EFTUD2: variants seen among roughly 807,000 people sequenced by gnomAD.
The protein encoded by EFTUD2 is elongation factor Tu GTP binding domain containing 2, also known as 116 kDa U5 small nuclear ribonucleoprotein component.
In EFTUD2, 9 loss-of-function variants were observed where a neutral mutation model predicts 114.3. The observed-to-expected ratio is 0.08, with a 90% CI of 0.05 to 0.14. The LOEUF is 0.14. Ranked by LOEUF, EFTUD2 falls within the 10% of genes least tolerant of loss-of-function variation. The probability of loss-of-function intolerance (pLI) is 1.00; values close to 1 mark genes in which losing one functional copy is unlikely to be tolerated. For synonymous variants in EFTUD2, 449 were observed against 462.3 expected (o/e 0.97, Z 0.37); for missense variants, 765 against 1,241.2 (o/e 0.62, Z 5.76).
intron 6 of EFTUD2, chr17:44,881,958 T>C (rs953396015): frequency 9.4e-5 from 46 of 491,260 alleles, no homozygotes; most frequent in African/African-American, 7.3e-4. Flanking sequence ...GGAGACAGAG[T>C]TTTGCTCTTG....
chr17:44,883,598 GC>G, intron 5 of EFTUD2, 50 bp downstream of exon 5: 2 of 1,541,276 alleles, frequency 1.3e-6, no homozygotes, highest in Middle Eastern at 1.7e-4. Flanking sequence ...TAAAACATGA[GC>G]AGGTACAAAA....
At chr17:44,891,199 A>T (rs2051272467) in intron 2 of EFTUD2, among the ~76,000 whole-genome samples, 2 of 152,242 alleles carry the variant, frequency 1.3e-5, no homozygotes, top group South Asian at 4.1e-4. Flanking sequence ...CAACTCATAG[A>T]AAAAGAAACA....
In EFTUD2 at chr17:44,881,739, T is replaced by C. The variant is rs746541001; in HGVS notation, c.493-17A>G. ...ATAGCACAGCTGAAAAAAAATTAAC[T>C]GTTGTTACCACCTGAGTTGAGACTG... On this transcript the variant is annotated splice_polypyrimidine_tract_variant and intron_variant, in intron 6 of 27. Transcript: ENST00000426333. The C allele has an allele frequency of 3.7e-6, 6 of 1,613,938 alleles. No individual in the cohort carries two copies. The Admixed American group carries it at 1.0e-4, about 27-fold the overall frequency.
At chr17:44,876,141 G>C (rs769562427) in intron 9 of EFTUD2, 41 bp from the exon 10 acceptor site, 1 of 1,581,900 alleles carries the variant, frequency 6.3e-7, no homozygotes, top group Non-Finnish European at 8.6e-7. Flanking sequence ...GAAGAACAAG[G>C]AGGGCAGAAA....
chr17:44,883,284 T>C lies in EFTUD2; in HGVS notation c.427-126A>G, dbSNP rs2051106122. ...AGAAAAAGGAGAGCAAGGAGGGTTA[T>C]GGGACAGCAAATAATTAACACTGAA... On this transcript the variant is annotated intron_variant, in intron 5 of 27. Coordinates refer to ENST00000426333, the MANE Select transcript of EFTUD2 (RefSeq NM_004247.4). The C allele has an allele frequency of 6.5e-6, 5 of 772,262 alleles. No homozygotes were observed. The East Asian group carries it at 1.1e-4, about 17-fold the overall frequency. 47.8% of individuals were successfully genotyped at this position (772,262 alleles called of 1,614,324 possible).
At chr17:44,881,658 G>A (rs556735595) in intron 7 of EFTUD2, 29 bp downstream of exon 7, 3 of 1,613,480 alleles carry the variant, frequency 1.9e-6, no homozygotes, top group Middle Eastern at 1.6e-4. Flanking sequence ...TGGTGTAGGT[G>A]ACAATCAGAT....
chr17:44,890,083 C>T (rs1230549754), intron 2 of EFTUD2, among the ~76,000 whole-genome samples: 1 of 152,178 alleles, frequency 6.6e-6, no homozygotes, highest in East Asian at 1.9e-4. Flanking sequence ...TCTCAGCTCA[C>T]TGCAACCTCT....
intron 3 of EFTUD2, 134 bp from the exon 4 acceptor site, chr17:44,885,468 A>C (rs2051151538): frequency 4.5e-6 from 3 of 659,592 alleles, no homozygotes; most frequent in South Asian, 1.8e-5. Flanking sequence ...AGGATCACTC[A>C]TATGTTGAGA....
intron 9 of EFTUD2, among the ~76,000 whole-genome samples, chr17:44,878,004 C>T (rs1351508277): frequency 2.6e-5 from 4 of 152,026 alleles, no homozygotes; most frequent in Admixed American, 2.6e-4. Flanking sequence ...GGTGTGGTGG[C>T]GTGCACCTGT....
chr17:44,855,294 G>A (rs571496336), intron 20 of EFTUD2, among the ~76,000 whole-genome samples: 26 of 152,232 alleles, frequency 1.7e-4, no homozygotes, highest in Middle Eastern at 3.4e-3. Context: ...CAGGCGCGGT[G>A]GCTCACCCCT....
rs1048887337 is a variant in EFTUD2, at chr17:44,886,601, G to A, written c.255C>T (p.Asp85=). 4 of 1,614,174 alleles carry A rather than the reference G, an allele frequency of 2.5e-6. No homozygotes were observed. The highest frequency in any genetic ancestry group is 1.1e-5 in the South Asian group (1 of 91,084). Reference sequence around the variant, plus strand: ...CTGATGTACCTGTGAGAGGCTGAGTGTCTTCCTCTTGAACTATGGTCTCCA... The same window carrying A: ...CTGATGTACCTGTGAGAGGCTGAGTATCTTCCTCTTGAACTATGGTCTCCA... ...PEVETIVQEE[D]TQPLTEPIIK... Residue 85 remains aspartate (D), a synonymous_variant, in exon 3 of 28, where the codon GAC becomes GAT. Transcript: ENST00000426333.
At chr17:44,863,301 C>A in intron 15 of EFTUD2, 1 of 256,094 alleles carries the variant, frequency 3.9e-6, no homozygotes, top group Admixed American at 5.1e-5. Flanking sequence ...TTTTTAAAAG[C>A]CAGGACTGAC....
At position 44,862,951 on chromosome 17, in the gene EFTUD2, G is replaced by A. The variant is rs376709374; in HGVS notation, c.1414-45C>T. On this transcript the variant is annotated intron_variant, in intron 15 of 27. Coordinates refer to ENST00000426333, the MANE Select transcript of EFTUD2 (RefSeq NM_004247.4). Reference sequence around the variant, plus strand: ...GCAGCTTCAACCACATCTATGCTCCGGGGAAGTACTACTCCCCGCCATCTT... The same window carrying A: ...GCAGCTTCAACCACATCTATGCTCCAGGGAAGTACTACTCCCCGCCATCTT... 8.0e-4 allele frequency: 1,231 copies of A among 1,531,114 alleles called. 16 individuals carry two copies. The South Asian group carries it at 0.011, about 13-fold the overall frequency. The allele number at this position is 1,531,114 out of a possible 1,614,324, so 94.8% of individuals were successfully genotyped here.
At chr17:44,897,088 C>T (rs755756553) in intron 1 of EFTUD2, among the ~76,000 whole-genome samples, 18 of 151,802 alleles carry the variant, frequency 1.2e-4, no homozygotes, top group Admixed American at 2.0e-4. Flanking sequence ...TGGTGGTGGG[C>T]GCCCGTAGTC....
chr17:44,859,660 C>A (rs2050620197), intron 18 of EFTUD2: 1 of 600,522 alleles, frequency 1.7e-6, no homozygotes, highest in South Asian at 2.1e-5. Flanking sequence ...CACACACACA[C>A]AACCTTGTCC....
rs780541299 is a variant in EFTUD2 at position 44,883,106 on chromosome 17, C to T, written c.479G>A (p.Arg160His). ...IEQTHPEIRK[R>H]YDQDLCYTDI... is the part of the protein sequence containing the mutation. ...AGTTCTACTTACATCTTGGTCATAG[C>T]GCTTTCTGATTTCCGGGTGAGTCTG... The change falls in exon 6 of 28, where the codon CGC (arginine) becomes CAC (histidine). Residue 160 changes from arginine (R) to histidine (H), a missense_variant. Arg to His is a conservative substitution (Grantham distance 29). Around this residue, in one of 6 missense-constraint regions of EFTUD2, gnomAD observed 251 missense variants for 357.7 expected, o/e 0.70. Transcript: ENST00000426333. 1.2e-5 allele frequency: 19 copies of T among 1,613,998 alleles called. No individual in the cohort carries two copies. Among genetic ancestry groups the T allele is most frequent in the Admixed American group, 1.0e-4 (6 of 60,000 alleles).
chr17:44,869,684 C>T (rs889625021), intron 11 of EFTUD2, among the ~76,000 whole-genome samples: 2 of 152,208 alleles, frequency 1.3e-5, no homozygotes, highest in Non-Finnish European at 2.9e-5. Flanking sequence ...ATGCCTCTTT[C>T]TCCAGCCCTG....
chr17:44,886,054 T>C (rs565495079), intron 3 of EFTUD2, among the ~76,000 whole-genome samples: 1 of 151,980 alleles, frequency 6.6e-6, no homozygotes, highest in Non-Finnish European at 1.5e-5. Context: ...CAGGCCAACA[T>C]GGTGAAACCC....
Position 44,850,806 on chromosome 17 carries a change from A to C in EFTUD2, c.*468T>G. ...GGGACCCAGGCAGGAAGGAGGCTGCAGCTGGAAGCAGAGGCAGTGAAGCCT... is the reference window on the plus strand; with the variant it reads ...GGGACCCAGGCAGGAAGGAGGCTGCCGCTGGAAGCAGAGGCAGTGAAGCCT... On this transcript the variant is annotated 3_prime_UTR_variant, in exon 28 of 28. Coordinates refer to ENST00000426333, the MANE Select transcript of EFTUD2 (RefSeq NM_004247.4). 4.3e-6 allele frequency: 1 copy of C among 232,660 alleles called. No homozygotes were observed. The highest frequency in any genetic ancestry group is 7.8e-5 in the South Asian group (1 of 12,790). The allele number at this position is 232,660 out of a possible 1,614,324, so 14.4% of individuals were successfully genotyped here.
Sources: gnomAD v4.1 joint callset for allele counts (sites outside exome capture counted in the v4.1 genomes callset) on GRCh38, gnomAD v4.1.1 for gene constraint, gnomAD v4.1.1 regional missense constraint, MANE v1.5 for transcripts, NCBI Gene and HGNC (gene_info 2026-07-23, HGNC 2026-07-21) for gene names.